PGM2L1: variants seen among roughly 807,000 people sequenced by gnomAD.
PGM2L1 encodes the protein phosphoglucomutase 2 like 1.
PGM2L1 carries 35 observed loss-of-function variants against 73.4 expected under a neutral mutation model. The ratio of observed to expected loss-of-function variants is 0.48; its 90% CI spans 0.36 to 0.63. The LOEUF (loss-of-function observed/expected upper bound fraction) is 0.63. PGM2L1 is among the 30% of genes least tolerant of loss of function. The pLI, the probability that PGM2L1 is intolerant of heterozygous loss-of-function variation, is 0.00. For synonymous variants in PGM2L1, 225 were observed against 253.8 expected, an observed-to-expected ratio of 0.89 and a Z score of 1.08; for missense variants, 570 against 742.0, an observed-to-expected ratio of 0.77 and a Z score of 2.69.
chr11:74,374,550 C>T lies in PGM2L1; in HGVS notation c.144G>A (p.Leu48=), dbSNP rs142804490. 10 of 1,614,030 alleles carry T rather than the reference C, an allele frequency of 6.2e-6. No homozygotes were observed. The highest frequency in any genetic ancestry group is 8.5e-6 in the Non-Finnish European group (10 of 1,179,958). The change falls in exon 2 of 14, where the codon CTG becomes CTA. Residue 48 remains leucine (L), a synonymous_variant. Transcript: ENST00000298198. ...GCTCCTTGTTCATCCCATTCCGTAA[C>T]AGGTTTTCAATCTGCTCTTTTGTTT... ...NPKTKEQIEN[L]LRNGMNKELR...
intron 5 of PGM2L1, among the ~76,000 whole-genome samples, chr11:74,367,614 T>C (rs1004044529): frequency 1.3e-5 from 2 of 152,208 alleles, no homozygotes; most frequent in East Asian, 1.9e-4. Context: ...GGGCTACTCA[T>C]GCAAGTAAAG....
chr11:74,377,227 CG>C (rs1429270130), intron 1 of PGM2L1, among the ~76,000 whole-genome samples: 6 of 151,930 alleles, frequency 3.9e-5, no homozygotes, highest in Non-Finnish European at 8.8e-5. Context: ...CTCCGCCTCC[CG>C]GGTTCACACC....
chr11:74,373,147 T>C (rs1432628822), intron 2 of PGM2L1, among the ~76,000 whole-genome samples: 1 of 152,188 alleles, frequency 6.6e-6, no homozygotes, highest in African/African-American at 2.4e-5. Flanking sequence ...CCAAATCCAG[T>C]GAAAATGTGC....
intron 9 of PGM2L1, among the ~76,000 whole-genome samples, chr11:74,344,309 T>C (rs1862230474): frequency 6.6e-6 from 1 of 152,194 alleles, no homozygotes; most frequent in South Asian, 2.1e-4. Context: ...TGAAGCTTTT[T>C]AGTGATGCAC....
chr11:74,380,574 A>C (rs1862927251), intron 1 of PGM2L1, among the ~76,000 whole-genome samples: 1 of 152,158 alleles, frequency 6.6e-6, no homozygotes, highest in Non-Finnish European at 1.5e-5. Flanking sequence ...CAAAGTAGAA[A>C]ATAATCCTTG....
intron 5 of PGM2L1, among the ~76,000 whole-genome samples, chr11:74,358,072 G>C (rs663937): frequency 0.054 from 8,172 of 152,258 alleles, 704 homozygotes; most frequent in African/African-American, 0.18. Context: ...AAAATACTCT[G>C]TATGATACTA....
At chr11:74,353,862 A>ACGG (rs762462003) in intron 5 of PGM2L1, among the ~76,000 whole-genome samples, 1 of 98,678 alleles carries the variant, frequency 1.0e-5, no homozygotes, top group Non-Finnish European at 2.1e-5. Flanking sequence ...CACCTCCCAG[A>ACGG]TGGGGTGGCT....
intron 5 of PGM2L1, among the ~76,000 whole-genome samples, chr11:74,359,135 A>G (rs930205255): frequency 6.6e-6 from 1 of 152,220 alleles, no homozygotes; most frequent in African/African-American, 2.4e-5. Context: ...ACATATGTAT[A>G]TCTGCTTCAT....
At position 74,370,925 on chromosome 11, in the gene PGM2L1, T is replaced by G. The variant is rs776703120; in HGVS notation, c.448A>C (p.Arg150=). 3 of 1,612,804 alleles carry G rather than the reference T, an allele frequency of 1.9e-6. No homozygotes were observed. Among genetic ancestry groups the G allele is most frequent in the African/African-American group, 1.3e-5 (1 of 74,872 alleles). The part of the protein sequence containing the change: ...AKDVPVYLFS[R]YVPTPFVPYA... ...ACTACAAAAGGTGTAGGAACATATC[T>G]TGAAAAAAGGTACACAGGAACATCT... Residue 150 remains arginine (R), a synonymous_variant, in exon 4 of 14, where the codon AGA becomes CGA. Transcript: ENST00000298198.
At position 74,360,278 on chromosome 11, in the gene PGM2L1, A is replaced by C. The variant is rs529836522; in HGVS notation, c.555+8214T>G. Among the ~76,000 whole-genome samples the C allele has an allele frequency of 9.4e-4, 139 of 148,414 alleles. 1 individual carries two copies. The highest frequency in any genetic ancestry group is 3.3e-3 in the African/African-American group (133 of 40,428). On this transcript the variant is annotated intron_variant, in intron 5 of 13. Coordinates refer to ENST00000298198, the MANE Select transcript of PGM2L1 (RefSeq NM_173582.6). ...AAAAGAAAGAAAGAGAAAGAGAAGG[A>C]AGGAAGGGAGGGAGGTAGGGAGGGA...
At chr11:74,388,309 G>C (rs1315372965) in intron 1 of PGM2L1, among the ~76,000 whole-genome samples, 1 of 139,788 alleles carries the variant, frequency 7.2e-6, no homozygotes, top group Non-Finnish European at 1.5e-5. Context: ...CTCATGCTAA[G>C]TGTTCTTAAT....
chr11:74,379,234 C>G (rs773422332), intron 1 of PGM2L1, among the ~76,000 whole-genome samples: 10 of 152,090 alleles, frequency 6.6e-5, no homozygotes, highest in Non-Finnish European at 1.0e-4. Context: ...AAGGAGGGAA[C>G]AAAAGAGAGC....
intron 5 of PGM2L1, among the ~76,000 whole-genome samples, chr11:74,356,882 G>C (rs1862465835): frequency 6.6e-6 from 1 of 152,030 alleles, no homozygotes; most frequent in African/African-American, 2.4e-5. Context: ...TGCCCAGGCT[G>C]GAGTGCAATG....
intron 5 of PGM2L1, among the ~76,000 whole-genome samples, chr11:74,356,383 A>G (rs1455200674): frequency 1.3e-5 from 2 of 152,222 alleles, no homozygotes; most frequent in Non-Finnish European, 2.9e-5. Flanking sequence ...AACAGGAATG[A>G]AGCTTGTGTG....
At chr11:74,397,016 A>T (rs766667391) in intron 1 of PGM2L1, among the ~76,000 whole-genome samples, 1 of 152,234 alleles carries the variant, frequency 6.6e-6, no homozygotes, top group Non-Finnish European at 1.5e-5. Flanking sequence ...CGCACTCAGC[A>T]TTCAATATTT....
intron 1 of PGM2L1, among the ~76,000 whole-genome samples, chr11:74,380,292 T>G (rs7126843): frequency 0.06 from 9,068 of 152,234 alleles, 867 homozygotes; most frequent in African/African-American, 0.21. Flanking sequence ...TCTAGAGTCT[T>G]GGAGCAGAAC....
chr11:74,397,745 A>ATTT (rs71065081), intron 1 of PGM2L1: 11,983 of 149,728 alleles, frequency 0.08, 408 homozygotes, highest in Middle Eastern at 0.11. Flanking sequence ...AATGATGATG[A>ATTT]TTTTTTTTTT....
At chr11:74,346,955 A>G (rs1482987100) in intron 7 of PGM2L1, 126 bp from the exon 8 acceptor site, 1 of 994,200 alleles carries the variant, frequency 1.0e-6, no homozygotes, top group East Asian at 2.4e-5. Flanking sequence ...TACGTTTAAA[A>G]CAAGAAGCCA....
chr11:74,359,580 T>C (rs201179765), intron 5 of PGM2L1, among the ~76,000 whole-genome samples: 21 of 139,004 alleles, frequency 1.5e-4, no homozygotes, highest in Middle Eastern at 7.4e-3. Flanking sequence ...TATATATATA[T>C]ACACATACAT....
Sources: gnomAD v4.1 joint callset for allele counts (sites outside exome capture counted in the v4.1 genomes callset) on GRCh38, gnomAD v4.1.1 for gene constraint, MANE v1.5 for transcripts, NCBI Gene and HGNC (gene_info 2026-07-23, HGNC 2026-07-21) for gene names.